TRAPPC9: variants seen among roughly 807,000 people sequenced by gnomAD.
TRAPPC9 encodes trafficking protein particle complex subunit 9.
Under a neutral mutation model 124.0 loss-of-function variants are expected in TRAPPC9, and 83 were observed. The ratio of observed to expected loss-of-function variants is 0.67; its 90% confidence interval spans 0.56 to 0.80. TRAPPC9 has a LOEUF of 0.80. Among genes scored for constraint, TRAPPC9 ranks in the 30% least tolerant of loss-of-function variants. TRAPPC9 has a pLI of 0.00. For synonymous variants in TRAPPC9, 638 were observed against 617.5 expected (o/e 1.03, Z -0.49); for missense variants, 1,302 against 1,508.3 (o/e 0.86, Z 2.27).
chr8:139,864,040 C>A (rs1003326921), intron 21 of TRAPPC9, among the ~76,000 whole-genome samples: 1 of 152,210 alleles, frequency 6.6e-6, no homozygotes, highest in African/African-American at 2.4e-5. Flanking sequence ...TGCTAAGCAC[C>A]CAACATTCTG....
intron 19 of TRAPPC9, chr8:139,916,545 G>A (rs1017781220): frequency 6.6e-6 from 1 of 152,220 alleles, no homozygotes; most frequent in African/African-American, 2.4e-5. Context: ...GCGGCCTCCC[G>A]GGTAGACGGT....
chr8:139,978,440 T>G (rs539678732), intron 19 of TRAPPC9, among the ~76,000 whole-genome samples: 1 of 152,294 alleles, frequency 6.6e-6, no homozygotes, highest in Admixed American at 6.5e-5. Context: ...TAAAGCATAA[T>G]GAAGTATTGT....
chr8:139,932,500 C>T (rs746430233), intron 19 of TRAPPC9: 22 of 456,668 alleles, frequency 4.8e-5, no homozygotes, highest in Admixed American at 4.5e-4. Context: ...CGGTGGCTCA[C>T]GCCTGTAATC....
rs1052814259 is a variant in TRAPPC9 at position 139,742,168 on chromosome 8, A to G, written c.3056-9966T>C. Among the ~76,000 whole-genome samples, 3 of 152,168 alleles carry G rather than the reference A, an allele frequency of 2.0e-5. No individual in the cohort carries two copies. The highest frequency in any genetic ancestry group is 4.4e-5 in the Non-Finnish European group (3 of 68,026). ...GAGGCCTGACTGCTCCACGCCTTCT[A>G]TGGCACTGTGGTTGCCTGGCTCTGG... On this transcript the variant is annotated intron_variant, in intron 21 of 22. Transcript: ENST00000438773. This position sits in a 1 kb window ranked among gnomAD's most constrained non-coding sequence, Gnocchi z 4.7.
intron 16 of TRAPPC9, among the ~76,000 whole-genome samples, chr8:140,240,955 T>G (rs1286890597): frequency 6.6e-6 from 1 of 152,188 alleles, no homozygotes; most frequent in Admixed American, 6.5e-5. Context: ...CTTCAGGCCT[T>G]CCACAGCCTA....
At chr8:139,851,596 TAGC>T (rs1827466940) in intron 21 of TRAPPC9, among the ~76,000 whole-genome samples, 1 of 152,088 alleles carries the variant, frequency 6.6e-6, no homozygotes, top group Non-Finnish European at 1.5e-5. Context: ...GCAAGTGGGA[TAGC>T]ACTAACACGA....
At chr8:139,896,727 GGGCCAGGTTGTGCCAA>G (rs1830691761) in intron 20 of TRAPPC9, among the ~76,000 whole-genome samples, 1 of 152,182 alleles carries the variant, frequency 6.6e-6, no homozygotes, top group African/African-American at 2.4e-5. Flanking sequence ...GCTGTCCACA[GGGCCAGGTTGTGCCAA>G]GGCCCTGCAG....
chr8:139,751,442 T>C (rs1026886904), intron 21 of TRAPPC9, among the ~76,000 whole-genome samples: 1 of 152,186 alleles, frequency 6.6e-6, no homozygotes, highest in African/African-American at 2.4e-5. Flanking sequence ...CTTGCTCATT[T>C]CTGATTCTTC....
At chr8:140,132,791 T>TTGGAGG (rs1563786157) in intron 17 of TRAPPC9, among the ~76,000 whole-genome samples, 5 of 68,140 alleles carry the variant, frequency 7.3e-5, no homozygotes, top group African/African-American at 4.3e-4. Flanking sequence ...GGAGGCCAAG[T>TTGGAGG]CGGAGGAGGA....
At position 139,730,960 on chromosome 8, in the gene TRAPPC9, G is replaced by A; in HGVS notation, c.*101C>T. On this transcript the variant is annotated 3_prime_UTR_variant, in exon 23 of 23. Transcript: ENST00000438773. ...TGGGAGGGGTCTGGGGGAGGAGGAG[G>A]AGATGGGGCTGCAGTGAAGGCCTTG... The A allele has an allele frequency of 1.5e-6, 2 of 1,314,752 alleles. No individual in the cohort carries two copies. Among genetic ancestry groups the A allele is most frequent in the Non-Finnish European group, 2.1e-6 (2 of 950,156 alleles). The allele number at this position is 1,314,752 out of a possible 1,614,324, so 81.4% of individuals were successfully genotyped here.
chr8:140,232,446 T>G (rs1354782240), intron 16 of TRAPPC9, among the ~76,000 whole-genome samples: 1 of 152,104 alleles, frequency 6.6e-6, no homozygotes, highest in African/African-American at 2.4e-5. Context: ...TCTATTACCC[T>G]AGCCCGGAGC....
At chr8:140,450,755 G>A (rs747299221) in intron 2 of TRAPPC9, 35 bp downstream of exon 2, 6 of 1,528,280 alleles carry the variant, frequency 3.9e-6, no homozygotes, top group East Asian at 2.3e-5. Context: ...CTGATGCAGG[G>A]AAGCCAAGGG....
chr8:139,865,758 G>GC (rs1203754673), intron 21 of TRAPPC9, among the ~76,000 whole-genome samples: 2 of 152,152 alleles, frequency 1.3e-5, no homozygotes, highest in African/African-American at 4.8e-5. Flanking sequence ...GCACAGCAGA[G>GC]CTGCCCCGTG....
intron 15 of TRAPPC9, among the ~76,000 whole-genome samples, chr8:140,272,119 G>GAT (rs2064923056): frequency 2.1e-5 from 3 of 144,578 alleles, no homozygotes; most frequent in African/African-American, 5.4e-5. Context: ...TGGTGGCAAT[G>GAT]GTGATGGTGG....
chr8:140,209,179 C>T, intron 17 of TRAPPC9, among the ~76,000 whole-genome samples: 1 of 152,212 alleles, frequency 6.6e-6, no homozygotes, highest in Admixed American at 6.5e-5. Context: ...CCGCCTAAAA[C>T]AACGAGCAGG....
At chr8:140,388,158 G>A (rs1394341395) in intron 7 of TRAPPC9, among the ~76,000 whole-genome samples, 3 of 149,478 alleles carry the variant, frequency 2.0e-5, no homozygotes, top group African/African-American at 2.5e-5. Context: ...TCACTCATAG[G>A]TGGGAACTGA....
intron 4 of TRAPPC9, among the ~76,000 whole-genome samples, chr8:140,428,183 A>G (rs2070496753): frequency 6.6e-6 from 1 of 152,226 alleles, no homozygotes; most frequent in African/African-American, 2.4e-5. Flanking sequence ...AGGGGATATG[A>G]GTTAAACTTT....
At chr8:140,433,022 G>A (rs749926366) in intron 4 of TRAPPC9, among the ~76,000 whole-genome samples, 1 of 151,988 alleles carries the variant, frequency 6.6e-6, no homozygotes, top group Admixed American at 6.6e-5. Context: ...CAGCATAATC[G>A]GCCAAGCACA....
At chr8:140,196,723 C>G (rs909855722) in intron 17 of TRAPPC9, among the ~76,000 whole-genome samples, 29 of 151,796 alleles carry the variant, frequency 1.9e-4, no homozygotes, top group Non-Finnish European at 2.6e-4. Flanking sequence ...CACAACGATC[C>G]ACTACACAGC....
Sources: allele counts gnomAD v4.1 joint callset (sites outside exome capture counted in the v4.1 genomes callset), GRCh38; gene constraint gnomAD v4.1.1; non-coding constraint Gnocchi (gnomAD v3.1); transcripts MANE v1.5; gene names NCBI Gene and HGNC (gene_info 2026-07-23, HGNC 2026-07-21).